KCNIP4: variants seen among roughly 807,000 people sequenced by gnomAD.
The protein encoded by KCNIP4 is Kv channel-interacting protein 4.
KCNIP4 carries 12 observed loss-of-function variants against 34.0 expected under a neutral mutation model. The ratio of observed to expected loss-of-function variants is 0.35; its 90% CI spans 0.23 to 0.57. The LOEUF is 0.57. KCNIP4 is among the 20% of genes least tolerant of loss of function. The pLI is 0.83. For synonymous variants in KCNIP4, 124 were observed against 102.2 expected, an observed-to-expected ratio of 1.21 and a Z score of -1.29; for missense variants, 238 against 311.7, an observed-to-expected ratio of 0.76 and a Z score of 1.78.
At chr4:21,472,718 C>T (rs1358870745) in intron 1 of KCNIP4, among the ~76,000 whole-genome samples, 2 of 152,078 alleles carry the variant, frequency 1.3e-5, no homozygotes, top group African/African-American at 4.8e-5. Context: ...TCGGTAAAAT[C>T]TAGGCTATGC....
In KCNIP4 at chr4:21,120,502, T is replaced by A. The variant is rs184837322; in HGVS notation, c.62-237793A>T. On this transcript the variant is annotated intron_variant, in intron 1 of 8. Coordinates refer to ENST00000382152, the MANE Select transcript of KCNIP4 (RefSeq NM_025221.6). ...GAAAGAGGTTTATTTGACTCACAGTTCTGCATGGCTGGGGAAGCTTCAGGC... is the reference window on the plus strand; with the variant it reads ...GAAAGAGGTTTATTTGACTCACAGTACTGCATGGCTGGGGAAGCTTCAGGC... Among the ~76,000 whole-genome samples the A allele has an allele frequency of 2.0e-5, 3 of 152,322 alleles. No individual in the cohort carries two copies. In the East Asian group the frequency reaches 5.8e-4, roughly 29 times the overall value.
Position 21,324,611 on chromosome 4 carries a change from T to G in KCNIP4, c.62-441902A>C, listed in dbSNP as rs182694255. On this transcript the variant is annotated intron_variant, in intron 1 of 8. Coordinates refer to ENST00000382152, the MANE Select transcript of KCNIP4 (RefSeq NM_025221.6). ...CTATTCTGTTCCATTGCTCTATCTG[T>G]CTGTTTTTATGCCAGTGCCTTACTG... 4.5e-3 allele frequency among the ~76,000 whole-genome samples: 686 copies of G among 150,836 alleles called. 9 individuals carry two copies. Among genetic ancestry groups the G allele is most frequent in the African/African-American group, 0.016 (645 of 41,378 alleles).
At chr4:21,857,029 G>T (rs1270000326) in intron 1 of KCNIP4, among the ~76,000 whole-genome samples, 2 of 152,176 alleles carry the variant, frequency 1.3e-5, no homozygotes, top group Admixed American at 1.3e-4. Flanking sequence ...GTGGCAGGAG[G>T]CAGATAGGCT....
At chr4:21,537,973 C>T (rs76476518) in intron 1 of KCNIP4, among the ~76,000 whole-genome samples, 1,555 of 128,466 alleles carry the variant, frequency 0.012, 34 homozygotes, top group African/African-American at 0.045. Flanking sequence ...GATTGCACCA[C>T]TGTACTCCAG....
chr4:21,353,878 G>C (rs913291634), intron 1 of KCNIP4, among the ~76,000 whole-genome samples: 3 of 152,078 alleles, frequency 2.0e-5, no homozygotes, highest in African/African-American at 7.2e-5. Context: ...GAAGGAAAAA[G>C]TGTTAAGGGC....
At chr4:20,780,786 G>A (rs1756803641) in intron 3 of KCNIP4, among the ~76,000 whole-genome samples, 1 of 152,218 alleles carries the variant, frequency 6.6e-6, no homozygotes, top group Non-Finnish European at 1.5e-5. Flanking sequence ...CACTGTTGGA[G>A]CCTTGATCCA....
intron 1 of KCNIP4, among the ~76,000 whole-genome samples, chr4:21,545,116 C>T (rs1738028051): frequency 6.6e-6 from 1 of 152,106 alleles, no homozygotes; most frequent in Non-Finnish European, 1.5e-5. Context: ...GTCCTCACTG[C>T]TCATTATACG....
chr4:20,960,742 T>A (rs576184696), intron 1 of KCNIP4, among the ~76,000 whole-genome samples: 1 of 152,196 alleles, frequency 6.6e-6, no homozygotes. Context: ...AATCCATTAG[T>A]GAACCAGAAA....
chr4:21,360,041 A>C (rs36012574), intron 1 of KCNIP4, among the ~76,000 whole-genome samples: 5,569 of 152,204 alleles, frequency 0.037, 240 homozygotes, highest in East Asian at 0.2. Context: ...ATTCATTCAT[A>C]AATTCATTCA....
intron 1 of KCNIP4, among the ~76,000 whole-genome samples, chr4:20,950,203 A>C (rs1398423218): frequency 1.3e-5 from 2 of 151,940 alleles, no homozygotes; most frequent in Non-Finnish European, 2.9e-5. Context: ...CTTACCAGGA[A>C]GATCTACAGC....
intron 3 of KCNIP4, among the ~76,000 whole-genome samples, chr4:20,826,911 C>G (rs1455018284): frequency 6.6e-6 from 1 of 152,126 alleles, no homozygotes; most frequent in Non-Finnish European, 1.5e-5. Flanking sequence ...GAAGCCCCTT[C>G]CTCTTGAATA....
At chr4:21,708,416 G>A (rs1172993442) in intron 1 of KCNIP4, among the ~76,000 whole-genome samples, 1 of 152,094 alleles carries the variant, frequency 6.6e-6, no homozygotes, top group Non-Finnish European at 1.5e-5. Context: ...TAAGTATGGG[G>A]TGAAGAGTCT....
At chr4:20,816,700 A>T (rs1716429946) in intron 3 of KCNIP4, among the ~76,000 whole-genome samples, 1 of 152,196 alleles carries the variant, frequency 6.6e-6, no homozygotes, top group Admixed American at 6.5e-5. Flanking sequence ...TTTTGAAAAT[A>T]ACTAGAGTTT....
At chr4:21,466,828 A>C (rs890315350) in intron 1 of KCNIP4, among the ~76,000 whole-genome samples, 6 of 152,046 alleles carry the variant, frequency 3.9e-5, no homozygotes, top group African/African-American at 1.2e-4. Flanking sequence ...CTACAATCGC[A>C]GTACCCCATC....
chr4:21,324,045 T>A (rs1307454035), intron 1 of KCNIP4, among the ~76,000 whole-genome samples: 1 of 152,092 alleles, frequency 6.6e-6, no homozygotes, highest in Non-Finnish European at 1.5e-5. Flanking sequence ...CTATACCTTT[T>A]CTTTTGAGAA....
chr4:21,629,757 G>A (rs971786099), intron 1 of KCNIP4, among the ~76,000 whole-genome samples: 9 of 151,754 alleles, frequency 5.9e-5, no homozygotes, highest in African/African-American at 1.2e-4. Flanking sequence ...TGTTTAGTTC[G>A]GCACAGTGTA....
chr4:21,632,028 A>G (rs566533558), intron 1 of KCNIP4, among the ~76,000 whole-genome samples: 1 of 152,206 alleles, frequency 6.6e-6, no homozygotes, highest in Non-Finnish European at 1.5e-5. Flanking sequence ...TATCACAAGG[A>G]AACTCCCTCA....
At chr4:20,965,952 T>C (rs913920450) in intron 1 of KCNIP4, among the ~76,000 whole-genome samples, 1 of 152,204 alleles carries the variant, frequency 6.6e-6, no homozygotes, top group Admixed American at 6.5e-5. Context: ...GCTTTAGCTA[T>C]ATAACCTCTG....
intron 1 of KCNIP4, among the ~76,000 whole-genome samples, chr4:21,292,302 A>C (rs1763573750): frequency 6.6e-6 from 1 of 152,132 alleles, no homozygotes; most frequent in Non-Finnish European, 1.5e-5. Flanking sequence ...TACCTTGTTC[A>C]ATTTTAAGTC....
Sources: gnomAD v4.1 joint callset for allele counts (sites outside exome capture counted in the v4.1 genomes callset) on GRCh38, gnomAD v4.1.1 for gene constraint, MANE v1.5 for transcripts, NCBI Gene and HGNC (gene_info 2026-07-23, HGNC 2026-07-21) for gene names.